Variants in GRIK4 observed in about 807,000 individuals in gnomAD.
GRIK4 encodes glutamate receptor ionotropic, kainate 4.
Under a neutral mutation model 104.9 loss-of-function variants are expected in GRIK4, and 40 were observed. The ratio of observed to expected loss-of-function variants is 0.38; its 90% CI spans 0.30 to 0.50. The LOEUF is 0.50. GRIK4 is among the 20% of genes least tolerant of loss of function. GRIK4 has a pLI of 0.93. For synonymous variants in GRIK4, 485 were observed against 524.9 expected (o/e 0.92, Z 1.04); for missense variants, 1,047 against 1,308.1 (o/e 0.80, Z 3.08).
At position 120,911,269 on chromosome 11, in the gene GRIK4, C is replaced by T. The variant is rs565498689; in HGVS notation, c.1476+5776C>T. Among the ~76,000 whole-genome samples, 608 of 145,240 alleles carry T rather than the reference C, an allele frequency of 4.2e-3. 4 individuals are homozygous for T. Among genetic ancestry groups the T allele is most frequent in the African/African-American group, 0.015 (575 of 39,268 alleles). On this transcript the variant is annotated intron_variant, in intron 13 of 20. Coordinates refer to ENST00000527524, the MANE Select transcript of GRIK4 (RefSeq NM_014619.5). Reference sequence around the variant, plus strand: ...TTTTTTTTTTTTTGAGACGGAGTTTCACTCTGTCACCCAGGCTGGAGTGCA... The same window carrying T: ...TTTTTTTTTTTTTGAGACGGAGTTTTACTCTGTCACCCAGGCTGGAGTGCA...
Position 120,902,198 on chromosome 11 carries a change from C to T in GRIK4, c.1273-3092C>T, listed in dbSNP as rs1942754642. Among the ~76,000 whole-genome samples the T allele has an allele frequency of 6.6e-6, 1 of 152,142 alleles. No individual in the cohort carries two copies. Among genetic ancestry groups the T allele is most frequent in the East Asian group, 1.9e-4 (1 of 5,188 alleles). Reference sequence around the variant, plus strand: ...TGGTTTATTGGTTAATGCCAGCAAACATGGAATTGGCTGCCGCTCCCATTC... The same window carrying T: ...TGGTTTATTGGTTAATGCCAGCAAATATGGAATTGGCTGCCGCTCCCATTC... On this transcript the variant is annotated intron_variant, in intron 12 of 20. Transcript: ENST00000527524. This position sits in a 1 kb window ranked among gnomAD's most constrained non-coding sequence, Gnocchi z 4.5.
At chr11:120,774,237 T>A (rs1271738234) in intron 3 of GRIK4, among the ~76,000 whole-genome samples, 1 of 152,142 alleles carries the variant, frequency 6.6e-6, no homozygotes, top group Non-Finnish European at 1.5e-5. Context: ...GAAGAATTGG[T>A]AGGAGTTTGC....
intron 1 of GRIK4, among the ~76,000 whole-genome samples, chr11:120,599,728 T>C (rs981116890): frequency 1.3e-5 from 2 of 152,240 alleles, no homozygotes; most frequent in Admixed American, 1.3e-4. Context: ...GGTGTGGGCC[T>C]CAGTTCCAGG....
chr11:120,871,900 T>C (rs1303759466), intron 9 of GRIK4: 1 of 456,302 alleles, frequency 2.2e-6, no homozygotes, highest in Non-Finnish European at 4.4e-6. Context: ...TTGACTGTTT[T>C]GCTCTGTAAT....
intron 3 of GRIK4, among the ~76,000 whole-genome samples, chr11:120,754,640 A>G (rs188275211): frequency 3.5e-4 from 53 of 152,298 alleles, no homozygotes; most frequent in Non-Finnish European, 8.8e-5. Flanking sequence ...TGGTAAATCT[A>G]TATTTTATCC....
intron 13 of GRIK4, chr11:120,936,372 T>A (rs777636858): frequency 9.9e-5 from 44 of 442,590 alleles, no homozygotes; most frequent in African/African-American, 1.7e-4. Flanking sequence ...AGGAGGCCTC[T>A]TGGGTGCATT....
intron 13 of GRIK4, among the ~76,000 whole-genome samples, chr11:120,917,828 T>C (rs995398990): frequency 1.2e-4 from 18 of 152,190 alleles, no homozygotes; most frequent in Non-Finnish European, 2.4e-4. Flanking sequence ...TATCAGTTCT[T>C]GGGAATTATT....
At chr11:120,739,925 C>G (rs1018562580) in intron 3 of GRIK4, among the ~76,000 whole-genome samples, 4 of 152,194 alleles carry the variant, frequency 2.6e-5, no homozygotes, top group Non-Finnish European at 5.9e-5. Flanking sequence ...CAGACCAAAC[C>G]CATTACCCTT....
chr11:120,517,997 G>A (rs1241545577), intron 1 of GRIK4, among the ~76,000 whole-genome samples: 2 of 152,158 alleles, frequency 1.3e-5, no homozygotes, highest in East Asian at 3.9e-4. Context: ...TGGAAGATAG[G>A]GCACATCTGG....
At chr11:120,692,566 A>G (rs1950384160) in intron 3 of GRIK4, among the ~76,000 whole-genome samples, 1 of 152,138 alleles carries the variant, frequency 6.6e-6, no homozygotes, top group South Asian at 2.1e-4. Flanking sequence ...TTTGAGAGAC[A>G]CGTCCCTGGA....
intron 3 of GRIK4, among the ~76,000 whole-genome samples, chr11:120,788,425 G>A (rs1257616012): frequency 6.6e-6 from 1 of 152,188 alleles, no homozygotes; most frequent in African/African-American, 2.4e-5. Flanking sequence ...GCAAGGAGAT[G>A]AACTGGATGG....
chr11:120,750,009 C>T (rs570156010), intron 3 of GRIK4, among the ~76,000 whole-genome samples: 1 of 152,018 alleles, frequency 6.6e-6, no homozygotes, highest in Non-Finnish European at 1.5e-5. Flanking sequence ...GGTAGAAAAT[C>T]CAATTTTAGC....
intron 3 of GRIK4, among the ~76,000 whole-genome samples, chr11:120,799,823 G>C (rs73578586): frequency 0.13 from 19,592 of 152,046 alleles, 3,967 homozygotes; most frequent in African/African-American, 0.44. Flanking sequence ...TTTCCTTGTT[G>C]TACAGCTTGG....
intron 3 of GRIK4, among the ~76,000 whole-genome samples, chr11:120,725,460 G>A (rs1181834566): frequency 1.3e-5 from 2 of 152,176 alleles, no homozygotes; most frequent in African/African-American, 4.8e-5. Context: ...CAAGGAGATG[G>A]TAGATCAGTC....
At chr11:120,932,590 C>G (rs1943505473) in intron 13 of GRIK4, among the ~76,000 whole-genome samples, 1 of 152,192 alleles carries the variant, frequency 6.6e-6, no homozygotes, top group African/African-American at 2.4e-5. Context: ...TAAGCCTTTT[C>G]AATATACAGG....
At position 120,751,786 on chromosome 11, in the gene GRIK4, G is replaced by A. The variant is rs551584894; in HGVS notation, c.83-50907G>A. 2.6e-5 allele frequency among the ~76,000 whole-genome samples: 4 copies of A among 152,262 alleles called. No homozygotes were observed. In the East Asian group the frequency reaches 5.8e-4, roughly 22 times the overall value. On this transcript the variant is annotated intron_variant, in intron 3 of 20. Transcript: ENST00000527524. ...TCCTCCCAAGCCCTGCTGGGCTTCCGGGCTGGCTCCTGTGCTCCCCTCAGC... is the reference window on the plus strand; with the variant it reads ...TCCTCCCAAGCCCTGCTGGGCTTCCAGGCTGGCTCCTGTGCTCCCCTCAGC...
In GRIK4 at chr11:120,905,980, G is replaced by A. The variant is rs894278837; in HGVS notation, c.1476+487G>A. On this transcript the variant is annotated intron_variant, in intron 13 of 20. Coordinates refer to ENST00000527524, the MANE Select transcript of GRIK4 (RefSeq NM_014619.5). This position sits in a 1 kb window ranked among gnomAD's most constrained non-coding sequence, Gnocchi z 5.1. ...GTTGGTCACAGCTACAGTTATTTTC[G>A]TACATCTTGTGTTATCTTTGGTTAG... Among the ~76,000 whole-genome samples, 68 of 152,252 alleles carry A rather than the reference G, an allele frequency of 4.5e-4. No individual in the cohort carries two copies. The highest frequency in any genetic ancestry group is 1.5e-3 in the African/African-American group (62 of 41,552).
At chr11:120,722,240 TCTTTCAAAAA>T (rs2135377647) in intron 3 of GRIK4, among the ~76,000 whole-genome samples, 1 of 152,350 alleles carries the variant, frequency 6.6e-6, no homozygotes, top group East Asian at 1.9e-4. Flanking sequence ...ATGGCATTCT[TCTTTCAAAAA>T]CTTCCAATTT....
chr11:120,581,921 C>T (rs1420857069), intron 1 of GRIK4, among the ~76,000 whole-genome samples: 1 of 152,026 alleles, frequency 6.6e-6, no homozygotes, highest in Non-Finnish European at 1.5e-5. Context: ...ATTCTTCTGC[C>T]TCAGCCTCCC....
Sources: allele counts gnomAD v4.1 joint callset (sites outside exome capture counted in the v4.1 genomes callset), GRCh38; gene constraint gnomAD v4.1.1; non-coding constraint Gnocchi (gnomAD v3.1); transcripts MANE v1.5; gene names NCBI Gene and HGNC (gene_info 2026-07-23, HGNC 2026-07-21).